The following FSTL4 variants were observed in gnomAD, a reference collection of about 807,000 sequenced individuals.
FSTL4 encodes the protein follistatin like 4.
Under a neutral mutation model 78.2 loss-of-function variants are expected in FSTL4, and 28 were observed. The observed-to-expected ratio is 0.36, with a 90% CI of 0.27 to 0.49. The LOEUF (loss-of-function observed/expected upper bound fraction) is 0.49, where lower values mean the gene tolerates loss of function less well. FSTL4 is among the 20% of genes least tolerant of loss of function. The pLI, the probability that FSTL4 is intolerant of heterozygous loss-of-function variation, is 0.98. For missense variants in FSTL4, 922 were observed against 1,084.9 expected (o/e 0.85, Z 2.11); for synonymous variants, 422 against 440.5 (o/e 0.96, Z 0.53).
intron 4 of FSTL4, among the ~76,000 whole-genome samples, chr5:133,380,825 T>C (rs1465389976): frequency 4.7e-5 from 7 of 150,022 alleles, no homozygotes; most frequent in Admixed American, 4.7e-4. Context: ...CATATATATA[T>C]ATAACTTATA....
intron 3 of FSTL4, among the ~76,000 whole-genome samples, chr5:133,523,738 A>C (rs1759032050): frequency 6.6e-6 from 1 of 152,234 alleles, no homozygotes; most frequent in Non-Finnish European, 1.5e-5. Context: ...GTTGCCATTC[A>C]TTCATTCAAC....
At chr5:133,661,221 C>G in the FSTL4 span, among the ~76,000 whole-genome samples, 1 of 152,162 alleles carries the variant, frequency 6.6e-6, no homozygotes, top group Non-Finnish European at 1.5e-5. Context: ...AACTCCTGAC[C>G]ACAGGTGATC....
chr5:133,554,811 A>C (rs1759755925), intron 3 of FSTL4, among the ~76,000 whole-genome samples: 1 of 152,200 alleles, frequency 6.6e-6, no homozygotes, highest in East Asian at 1.9e-4. Flanking sequence ...TGGATTGGAG[A>C]GAGCATGGGG....
chr5:133,676,210 A>G, the FSTL4 span, among the ~76,000 whole-genome samples: 14 of 152,244 alleles, frequency 9.2e-5, no homozygotes, highest in African/African-American at 3.1e-4. Context: ...AGAATTTTTA[A>G]AAAGAAGTTT....
At chr5:133,717,932 C>A in the FSTL4 span, among the ~76,000 whole-genome samples, 3 of 152,102 alleles carry the variant, frequency 2.0e-5, no homozygotes, top group African/African-American at 7.2e-5. Context: ...TGGGTAAATA[C>A]CTAGAAGTGA....
intron 6 of FSTL4, among the ~76,000 whole-genome samples, chr5:133,290,796 C>T (rs1753243832): frequency 1.3e-5 from 2 of 152,242 alleles, no homozygotes; most frequent in Admixed American, 1.3e-4. Flanking sequence ...CCCATGGCTC[C>T]AGGCCACCTG....
At chr5:133,342,261 A>G (rs1162559527) in intron 4 of FSTL4, among the ~76,000 whole-genome samples, 1 of 152,086 alleles carries the variant, frequency 6.6e-6, no homozygotes, top group Admixed American at 6.5e-5. Context: ...CAGAGGTAGG[A>G]GGAGAAGCTG....
the FSTL4 span, among the ~76,000 whole-genome samples, chr5:133,829,537 A>G: frequency 6.6e-6 from 1 of 152,152 alleles, no homozygotes; most frequent in East Asian, 1.9e-4. Context: ...GTGTCCACCA[A>G]AGTGAGTAGG....
At chr5:133,827,134 C>T in the FSTL4 span, among the ~76,000 whole-genome samples, 58,809 of 152,132 alleles carry the variant, frequency 0.39, 12,701 homozygotes, top group Non-Finnish European at 0.5. Flanking sequence ...CTTATGATAC[C>T]GCATCATCCT....
intron 3 of FSTL4, among the ~76,000 whole-genome samples, chr5:133,548,208 A>C (rs1351773779): frequency 6.6e-6 from 1 of 152,182 alleles, no homozygotes; most frequent in African/African-American, 2.4e-5. Context: ...TATCAAACCT[A>C]AGGGTGTCAT....
intron 2 of FSTL4, among the ~76,000 whole-genome samples, chr5:133,578,912 A>C (rs965166984): frequency 2.6e-5 from 4 of 152,238 alleles, no homozygotes; most frequent in African/African-American, 9.7e-5. Flanking sequence ...CAACCCAACA[A>C]ATTAAAAACT....
At chr5:133,655,645 A>G in the FSTL4 span, among the ~76,000 whole-genome samples, 1 of 152,196 alleles carries the variant, frequency 6.6e-6, no homozygotes, top group East Asian at 1.9e-4. Context: ...ATGAAGGGAA[A>G]CGGAAAACAT....
chr5:133,209,316 G>A (rs1022297527), intron 14 of FSTL4, among the ~76,000 whole-genome samples: 3 of 152,066 alleles, frequency 2.0e-5, no homozygotes, highest in Non-Finnish European at 4.4e-5. Flanking sequence ...TGGTCTTTCT[G>A]CCCTCTTGCC....
intron 1 of FSTL4, among the ~76,000 whole-genome samples, chr5:133,608,600 T>C (rs930599552): frequency 3.3e-5 from 5 of 152,246 alleles, no homozygotes; most frequent in Non-Finnish European, 7.3e-5. Context: ...TTTGTTTAGA[T>C]AGGCAGATTT....
chr5:133,312,761 T>G lies in FSTL4; in HGVS notation c.620A>C (p.Gln207Pro). The change falls in exon 6 of 16, where the codon CAG (glutamine) becomes CCG (proline). Residue 207 changes from glutamine (Q) to proline (P), a missense_variant. Physicochemically the swap from Gln to Pro is moderately conservative, Grantham distance 76. Coordinates refer to ENST00000265342, the MANE Select transcript of FSTL4 (RefSeq NM_015082.2). ...ACCAAGTAAGTCTTCATCCAGGTCC[T>G]GCTTCTTCAGCACATGCTGTGGGGT... ...SELAQHVLKK[Q>P]DLDEDLLGCS... is the part of the protein sequence containing the mutation. 6.2e-7 allele frequency: 1 copy of G among 1,614,146 alleles called. No homozygotes were observed. Among genetic ancestry groups the G allele is most frequent in the Non-Finnish European group, 8.5e-7 (1 of 1,179,956 alleles).
In FSTL4 at chr5:133,232,800, G is replaced by T. The variant is rs10044922; in HGVS notation, c.1015+617C>A. On this transcript the variant is annotated intron_variant, in intron 8 of 15. Transcript: ENST00000265342. ...AGTACAGGGACTGACCAAGGCAAGT[G>T]CTGGGAAAACCCTGGCTACTGTCAT... 3.7e-3 allele frequency among the ~76,000 whole-genome samples: 567 copies of T among 152,024 alleles called. 1 individual carries two copies. The highest frequency in any genetic ancestry group is 0.011 in the Admixed American group (169 of 15,274).
intron 4 of FSTL4, among the ~76,000 whole-genome samples, chr5:133,324,258 G>C (rs951928265): frequency 6.6e-6 from 1 of 152,178 alleles, no homozygotes; most frequent in African/African-American, 2.4e-5. Flanking sequence ...GAGTCAAGGG[G>C]AGGGAGGCGT....
chr5:133,466,128 C>T (rs2112843148), intron 3 of FSTL4, among the ~76,000 whole-genome samples: 1 of 152,184 alleles, frequency 6.6e-6, no homozygotes, highest in South Asian at 2.1e-4. Flanking sequence ...ATCCTGCTCC[C>T]CATATGGGAA....
chr5:133,290,817 G>A (rs1010268258), intron 6 of FSTL4, among the ~76,000 whole-genome samples: 3 of 152,216 alleles, frequency 2.0e-5, no homozygotes, highest in Non-Finnish European at 2.9e-5. Context: ...CCTTTGGCCC[G>A]CGGTCCCTCG....
Sources: gnomAD v4.1 joint callset for allele counts (sites outside exome capture counted in the v4.1 genomes callset) on GRCh38, gnomAD v4.1.1 for gene constraint, MANE v1.5 for transcripts, NCBI Gene and HGNC (gene_info 2026-07-23, HGNC 2026-07-21) for gene names.